The following ABCA10 variants were observed in gnomAD, a reference collection of about 807,000 sequenced individuals.
ABCA10 encodes ATP-binding cassette sub-family A member 10.
Under a neutral mutation model 187.5 loss-of-function variants are expected in ABCA10, and 169 were observed. The observed-to-expected ratio is 0.90, with a 90% CI of 0.80 to 1.02. The LOEUF is 1.02. ABCA10 is among the 50% of genes least tolerant of loss of function. ABCA10 has a pLI of 0.00. For missense variants in ABCA10, 1,727 were observed against 1,812.4 expected (o/e 0.95, Z 0.86); for synonymous variants, 574 against 601.8 (o/e 0.95, Z 0.68).
rs9914747 is a variant in ABCA10 at position 69,222,293 on chromosome 17, G to A, written c.199+240C>T. 1.1e-3 allele frequency among the ~76,000 whole-genome samples: 169 copies of A among 150,272 alleles called. 1 individual carries two copies. The highest frequency in any genetic ancestry group is 3.9e-3 in the African/African-American group (158 of 40,766). Reference sequence around the variant, plus strand: ...GCAGCGGTTCCAGTGAGCCAAGATCGCGCCACTGCACTCCAGCCAGGGTGA... The same window carrying A: ...GCAGCGGTTCCAGTGAGCCAAGATCACGCCACTGCACTCCAGCCAGGGTGA... On this transcript the variant is annotated intron_variant, in intron 4 of 38. Transcript: ENST00000690296.
upstream of ABCA10, among the ~76,000 whole-genome samples, chr17:69,230,125 A>G (rs554014583): frequency 3.6e-4 from 54 of 152,010 alleles, no homozygotes; most frequent in African/African-American, 1.2e-3. Context: ...GTTAGGCCCA[A>G]TTCTCTCTCT....
At chr17:69,190,222 G>A in intron 18 of ABCA10, 136 bp downstream of exon 18, 1 of 1,006,354 alleles carries the variant, frequency 9.9e-7, no homozygotes, top group East Asian at 3.2e-5. Context: ...TTTCTATCTA[G>A]TGGACAATGC....
intron 2 of ABCA10, among the ~76,000 whole-genome samples, chr17:69,226,010 A>C (rs1034966285): frequency 2.0e-5 from 3 of 152,110 alleles, no homozygotes; most frequent in Admixed American, 2.0e-4. Context: ...GTTTTGTCTC[A>C]TTGGTTCCTG....
In ABCA10 at chr17:69,210,865, T is replaced by TATATATATATATATATATATATA. The variant is rs1555662878; in HGVS notation, c.1006+3838_1006+3839insTATATATATATATATATATATAT. ...TATGCCACATATATATATATATATA[T>TATATATATATATATATATATATA]GCCATATTTCCTTTACCCACTCATT... On this transcript the variant is annotated intron_variant, in intron 9 of 38. Coordinates refer to ENST00000690296, the MANE Select transcript of ABCA10 (RefSeq NM_001377321.1). 6.7e-4 allele frequency among the ~76,000 whole-genome samples: 98 copies of TATATATATATATATATATATATA among 145,514 alleles called. 1 individual carries two copies. Among genetic ancestry groups the TATATATATATATATATATATATA allele is most frequent in the African/African-American group, 2.5e-3 (92 of 36,966 alleles).
chr17:69,211,510 G>C (rs1358068150), intron 9 of ABCA10, among the ~76,000 whole-genome samples: 1 of 151,476 alleles, frequency 6.6e-6, no homozygotes, highest in African/African-American at 2.4e-5. Flanking sequence ...ATTTAGGGAG[G>C]ATTCCCTCTT....
intron 5 of ABCA10, among the ~76,000 whole-genome samples, chr17:69,221,463 G>C (rs1485524162): frequency 6.6e-6 from 1 of 152,182 alleles, no homozygotes; most frequent in Non-Finnish European, 1.5e-5. Context: ...CTAGCAGAAA[G>C]GCAGAGATTG....
At chr17:69,236,648 T>C (rs2074873581) in intron 1 of ABCA10, among the ~76,000 whole-genome samples, 1 of 152,224 alleles carries the variant, frequency 6.6e-6, no homozygotes, top group Non-Finnish European at 1.5e-5. Flanking sequence ...ACTGACGCCT[T>C]TGGATAAATG....
intron 26 of ABCA10, among the ~76,000 whole-genome samples, chr17:69,164,621 A>G (rs2074242095): frequency 6.6e-6 from 1 of 152,184 alleles, no homozygotes; most frequent in African/African-American, 2.4e-5. Context: ...TGAAATGAAA[A>G]ACTTCTATCC....
intron 30 of ABCA10, 65 bp downstream of exon 30, chr17:69,154,954 T>TTGTAGTC: frequency 8.1e-7 from 1 of 1,227,008 alleles, no homozygotes; most frequent in Non-Finnish European, 1.2e-6. Flanking sequence ...TTTGTCCCCT[T>TTGTAGTC]TGTAGTCTTA....
At chr17:69,165,747 AATAAAT>A (rs1374483124) in intron 25 of ABCA10, among the ~76,000 whole-genome samples, 3 of 152,150 alleles carry the variant, frequency 2.0e-5, no homozygotes, top group Non-Finnish European at 2.9e-5. Context: ...GATTTTTTTC[AATAAAT>A]ATGTTAGAAA....
chr17:69,216,948 A>C (rs2074710624), intron 6 of ABCA10, among the ~76,000 whole-genome samples: 1 of 152,136 alleles, frequency 6.6e-6, no homozygotes, highest in Non-Finnish European at 1.5e-5. Flanking sequence ...ACTAAAATAA[A>C]AGGAAAGGTA....
chr17:69,209,162 G>A lies in ABCA10; in HGVS notation c.1006+5542C>T, dbSNP rs1317980172. On this transcript the variant is annotated intron_variant, in intron 9 of 38. Coordinates refer to ENST00000690296, the MANE Select transcript of ABCA10 (RefSeq NM_001377321.1). ...TGGGATTTCAAGTTCCATTTTGCCT[G>A]TTTGAAAAATAACATTAAAGTAATT... is the stretch of plus-strand genomic sequence containing the variant. Among the ~76,000 whole-genome samples, 9 of 152,304 alleles carry A rather than the reference G, an allele frequency of 5.9e-5. No homozygotes were observed. The South Asian group carries it at 6.2e-4, about 11-fold the overall frequency.
chr17:69,205,977 G>T (rs535679313), intron 9 of ABCA10, among the ~76,000 whole-genome samples: 7 of 152,092 alleles, frequency 4.6e-5, no homozygotes, highest in South Asian at 2.1e-4. Flanking sequence ...ATCATGAAGC[G>T]GAAATGGTAA....
intron 27 of ABCA10, among the ~76,000 whole-genome samples, chr17:69,161,023 T>C (rs1201254406): frequency 6.6e-6 from 1 of 152,224 alleles, no homozygotes; most frequent in Non-Finnish European, 1.5e-5. Context: ...ACAGAATGAA[T>C]AGATTTTTTA....
chr17:69,161,495 T>C (rs1317534625), intron 27 of ABCA10, among the ~76,000 whole-genome samples: 2 of 152,238 alleles, frequency 1.3e-5, no homozygotes, highest in African/African-American at 4.8e-5. Flanking sequence ...TAGAAACAAA[T>C]AGGTAAATAG....
intron 3 of ABCA10, among the ~76,000 whole-genome samples, chr17:69,224,634 A>AT (rs1555664737): frequency 6.6e-6 from 1 of 151,686 alleles, no homozygotes; most frequent in Non-Finnish European, 1.5e-5. Flanking sequence ...AGCATCCTAC[A>AT]TAACATAGAG....
At chr17:69,208,480 C>G in intron 9 of ABCA10, among the ~76,000 whole-genome samples, 1 of 141,230 alleles carries the variant, frequency 7.1e-6, no homozygotes, top group African/African-American at 2.7e-5. Context: ...CTACAGAAAA[C>G]CAAAAATTTA....
intron 10 of ABCA10, among the ~76,000 whole-genome samples, chr17:69,197,337 C>T (rs565855925): frequency 6.6e-6 from 1 of 151,566 alleles, no homozygotes; most frequent in Admixed American, 6.6e-5. Flanking sequence ...TCATATATTC[C>T]AGCTATTTCT....
chr17:69,232,020 A>G (rs2074835283), upstream of ABCA10, among the ~76,000 whole-genome samples: 1 of 151,854 alleles, frequency 6.6e-6, no homozygotes, highest in Non-Finnish European at 1.5e-5. Context: ...CTCATTTTAA[A>G]GTTTTGGTTA....
Sources: allele counts gnomAD v4.1 joint callset (sites outside exome capture counted in the v4.1 genomes callset), GRCh38; gene constraint gnomAD v4.1.1; transcripts MANE v1.5; gene names NCBI Gene and HGNC (gene_info 2026-07-23, HGNC 2026-07-21).